Variants in FSHR observed in about 807,000 individuals in gnomAD.
FSHR encodes follicle stimulating hormone receptor.
In FSHR, 46 loss-of-function variants were observed where a neutral mutation model predicts 52.1. That is an observed-to-expected ratio of 0.88 (90% CI 0.70 to 1.13). FSHR has a LOEUF of 1.13. Among genes scored for constraint, FSHR ranks in the 50% most tolerant of loss-of-function variants. FSHR has a pLI of 0.00. For missense variants in FSHR, 964 were observed against 834.6 expected (o/e 1.16, Z -1.91); for synonymous variants, 399 against 309.6 (o/e 1.29, Z -3.03).
chr2:49,039,845 T>C (rs984706002), intron 2 of FSHR, among the ~76,000 whole-genome samples: 3 of 152,216 alleles, frequency 2.0e-5, no homozygotes, highest in African/African-American at 7.2e-5. Context: ...TGGAAAGCTG[T>C]TCATCAAAAT....
intron 4 of FSHR, among the ~76,000 whole-genome samples, chr2:48,998,348 A>T (rs915229874): frequency 6.6e-6 from 1 of 152,140 alleles, no homozygotes; most frequent in Non-Finnish European, 1.5e-5. Context: ...GGAAATTGTT[A>T]ATTTATTGCT....
chr2:49,057,269 G>A lies in FSHR; in HGVS notation c.224+10950C>T, dbSNP rs1190701501. Among the ~76,000 whole-genome samples, 4 of 151,944 alleles carry A rather than the reference G, an allele frequency of 2.6e-5. No individual in the cohort carries two copies. The South Asian group carries it at 6.2e-4, about 24-fold the overall frequency. The stretch of plus-strand genomic sequence containing the variant: ...GATAAGCCAAATGAACAAACCATTA[G>A]CTAGACTAAGAAAAAATGGGAGAAT... On this transcript the variant is annotated intron_variant, in intron 2 of 9. Transcript: ENST00000406846.
Position 49,011,191 on chromosome 2 carries a change from C to A in FSHR, c.374+6298G>T, listed in dbSNP as rs531283613. The stretch of plus-strand genomic sequence containing the variant: ...AGTGCTATAAATTTCCCTCTACACA[C>A]TGCTTTGAATGCGTCCCACAGATTC... On this transcript the variant is annotated intron_variant, in intron 4 of 9. Coordinates refer to ENST00000406846, the MANE Select transcript of FSHR (RefSeq NM_000145.4). Among the ~76,000 whole-genome samples the A allele has an allele frequency of 2.1e-4, 32 of 151,150 alleles. No homozygotes were observed. In the East Asian group the frequency reaches 4.3e-3, roughly 20 times the overall value.
intron 4 of FSHR, among the ~76,000 whole-genome samples, chr2:48,994,039 T>G (rs1332722852): frequency 1.3e-5 from 2 of 152,196 alleles, no homozygotes; most frequent in African/African-American, 4.8e-5. Flanking sequence ...GTGAATCATA[T>G]GAGGGCAAGA....
chr2:49,047,213 A>T (rs1426230480), intron 2 of FSHR, among the ~76,000 whole-genome samples: 7 of 152,318 alleles, frequency 4.6e-5, no homozygotes, highest in Non-Finnish European at 7.3e-5. Flanking sequence ...CTAAATGAAA[A>T]GTTACATCTC....
At chr2:49,119,808 G>A (rs537890779) in intron 1 of FSHR, among the ~76,000 whole-genome samples, 2 of 152,214 alleles carry the variant, frequency 1.3e-5, no homozygotes, top group Non-Finnish European at 2.9e-5. Flanking sequence ...ACTTAGAGCT[G>A]TGTGAGCCAG....
chr2:49,092,605 T>G (rs1403400865), intron 1 of FSHR, among the ~76,000 whole-genome samples: 1 of 152,186 alleles, frequency 6.6e-6, no homozygotes, highest in Non-Finnish European at 1.5e-5. Flanking sequence ...TTTTCTTTAG[T>G]CTTTTAATTA....
chr2:49,105,827 G>A (rs1023683854), intron 1 of FSHR, among the ~76,000 whole-genome samples: 2 of 152,040 alleles, frequency 1.3e-5, no homozygotes, highest in African/African-American at 2.4e-5. Flanking sequence ...ACCATGTGAG[G>A]CTGGCTGTAT....
At chr2:49,077,258 T>C (rs1669984367) in intron 1 of FSHR, among the ~76,000 whole-genome samples, 3 of 152,208 alleles carry the variant, frequency 2.0e-5, no homozygotes, top group African/African-American at 7.2e-5. Flanking sequence ...CTTTTGTGTA[T>C]CTTGACTTTT....
chr2:49,017,658 C>A, intron 3 of FSHR, 95 bp from the exon 4 acceptor site: 2 of 874,690 alleles, frequency 2.3e-6, no homozygotes. Context: ...ATCATTCATC[C>A]CATCCACTCA....
chr2:49,028,827 G>C (rs1667999446), intron 2 of FSHR, among the ~76,000 whole-genome samples: 1 of 152,104 alleles, frequency 6.6e-6, no homozygotes, highest in South Asian at 2.1e-4. Flanking sequence ...TTTTGCCCTG[G>C]GGTCTTAAAT....
intron 8 of FSHR, among the ~76,000 whole-genome samples, chr2:48,979,744 T>A (rs867137734): frequency 2.0e-5 from 3 of 152,078 alleles, no homozygotes; most frequent in South Asian, 2.1e-4. Flanking sequence ...CATCAAGGGT[T>A]CCCTGTACAT....
At chr2:49,018,363 T>TAC (rs1270046176) in intron 3 of FSHR, among the ~76,000 whole-genome samples, 1 of 152,232 alleles carries the variant, frequency 6.6e-6, no homozygotes, top group Non-Finnish European at 1.5e-5. Context: ...TGTGTATTTG[T>TAC]AGACATGCTC....
intron 1 of FSHR, among the ~76,000 whole-genome samples, chr2:49,083,033 T>A (rs56375833): frequency 1.5e-4 from 23 of 148,806 alleles, no homozygotes; most frequent in African/African-American, 5.2e-4. Flanking sequence ...AACTCCAAGA[T>A]ACATAATTGT....
At chr2:49,043,695 T>A (rs1026630268) in intron 2 of FSHR, among the ~76,000 whole-genome samples, 1 of 152,190 alleles carries the variant, frequency 6.6e-6, no homozygotes, top group African/African-American at 2.4e-5. Flanking sequence ...GATACAGTTA[T>A]CTCAGTGCAT....
At chr2:49,027,271 C>A (rs74490041) in intron 2 of FSHR, among the ~76,000 whole-genome samples, 1 of 152,134 alleles carries the variant, frequency 6.6e-6, no homozygotes, top group Non-Finnish European at 1.5e-5. Flanking sequence ...TCTTAACAGC[C>A]GTGTGGTGAC....
intron 6 of FSHR, among the ~76,000 whole-genome samples, chr2:48,986,534 T>A (rs1243009837): frequency 6.6e-6 from 1 of 152,112 alleles, no homozygotes; most frequent in Non-Finnish European, 1.5e-5. Context: ...GTCTATGGAT[T>A]AAGGGACAGC....
intron 3 of FSHR, among the ~76,000 whole-genome samples, chr2:49,018,040 G>A (rs6760036): frequency 0.023 from 3,431 of 152,162 alleles, 54 homozygotes; most frequent in Middle Eastern, 0.068. Flanking sequence ...AAGAAGATAA[G>A]GAAGGAAAAA....
intron 4 of FSHR, among the ~76,000 whole-genome samples, chr2:48,999,910 TA>T (rs546678042): frequency 1.1e-3 from 171 of 152,278 alleles, no homozygotes; most frequent in Non-Finnish European, 2.0e-3. Flanking sequence ...GAAGCTCTGC[TA>T]AAAGCTAAAG....
Sources: allele counts gnomAD v4.1 joint callset (sites outside exome capture counted in the v4.1 genomes callset), GRCh38; gene constraint gnomAD v4.1.1; transcripts MANE v1.5; gene names NCBI Gene and HGNC (gene_info 2026-07-23, HGNC 2026-07-21).